Variants in RASGRF2 observed in about 807,000 individuals in gnomAD.
RASGRF2 encodes the protein ras-specific guanine nucleotide-releasing factor 2.
In RASGRF2, 76 loss-of-function variants were observed where a neutral mutation model predicts 151.0. The ratio of observed to expected loss-of-function variants is 0.50; its 90% CI spans 0.42 to 0.61. The LOEUF is 0.61. Ranked by LOEUF, RASGRF2 falls within the 20% of genes least tolerant of loss-of-function variation. RASGRF2 has a pLI of 0.00. For missense variants in RASGRF2, 1,148 were observed against 1,564.6 expected, an observed-to-expected ratio of 0.73 and a Z score of 4.49; for synonymous variants, 504 against 566.5, an observed-to-expected ratio of 0.89 and a Z score of 1.57.
chr5:81,158,751 A>C (rs1352907943), intron 17 of RASGRF2, among the ~76,000 whole-genome samples: 1 of 152,222 alleles, frequency 6.6e-6, no homozygotes, highest in African/African-American at 2.4e-5. Flanking sequence ...TGATATTCCC[A>C]TTAGAATAGC....
chr5:81,077,882 T>C (rs1349506927), intron 5 of RASGRF2, among the ~76,000 whole-genome samples: 1 of 152,186 alleles, frequency 6.6e-6, no homozygotes, highest in African/African-American at 2.4e-5. Flanking sequence ...TCTGGCTCTT[T>C]GTTTCCACTG....
intron 23 of RASGRF2, among the ~76,000 whole-genome samples, chr5:81,214,864 C>T (rs1369967697): frequency 6.6e-6 from 1 of 152,188 alleles, no homozygotes; most frequent in Non-Finnish European, 1.5e-5. Context: ...TGTTATTTCT[C>T]AGTAATTATC....
chr5:81,026,038 C>T (rs796179210), intron 1 of RASGRF2, among the ~76,000 whole-genome samples: 7 of 57,864 alleles, frequency 1.2e-4, no homozygotes, highest in African/African-American at 2.1e-4. Flanking sequence ...ATCCTTCCCT[C>T]CTTCCTTCCA....
chr5:81,108,962 T>G, intron 12 of RASGRF2, 34 bp from the exon 13 acceptor site: 4 of 1,587,300 alleles, frequency 2.5e-6, no homozygotes, highest in Non-Finnish European at 3.4e-6. Flanking sequence ...TAGGCTTTCA[T>G]GTGGGTTGTA....
At chr5:81,188,132 C>T (rs1014519701) in intron 18 of RASGRF2, among the ~76,000 whole-genome samples, 1 of 152,176 alleles carries the variant, frequency 6.6e-6, no homozygotes, top group African/African-American at 2.4e-5. Flanking sequence ...TCCAGCCCTG[C>T]CCTCCTCATC....
chr5:81,010,396 A>G (rs1047211502), intron 1 of RASGRF2, among the ~76,000 whole-genome samples: 2 of 152,342 alleles, frequency 1.3e-5, no homozygotes, highest in African/African-American at 4.8e-5. Flanking sequence ...TATTTTTACA[A>G]TGAAAAAAGG....
intron 17 of RASGRF2, among the ~76,000 whole-genome samples, chr5:81,167,463 C>T (rs528086498): frequency 6.6e-6 from 1 of 152,372 alleles, no homozygotes; most frequent in East Asian, 1.9e-4. Flanking sequence ...AGTTGTTAAA[C>T]TAATCCACTT....
chr5:81,044,851 T>TGACAGGCA (rs1443038247), intron 2 of RASGRF2, among the ~76,000 whole-genome samples: 2 of 152,192 alleles, frequency 1.3e-5, no homozygotes, highest in African/African-American at 4.8e-5. Context: ...TATTTTTTTT[T>TGACAGGCA]TCTTTTCCTC....
rs1750725185 is a variant in RASGRF2, at chr5:81,042,981, C to T, written c.393C>T (p.Ala131=). The T allele has an allele frequency of 6.2e-7, 1 of 1,604,432 alleles. No homozygotes were observed. Among genetic ancestry groups the T allele is most frequent in the Non-Finnish European group, 8.5e-7 (1 of 1,173,824 alleles). ...GKEWMEAIHQ[A]SYADILIERE... ...AGTGGATGGAGGCCATTCACCAAGC[C>T]AGGTATAGGCTCAGTCTTCCTGTGT... The change falls in exon 2 of 27, where the codon GCC becomes GCT. Residue 131 remains alanine (A), a splice_region_variant and synonymous_variant. Transcript: ENST00000265080.
intron 2 of RASGRF2, among the ~76,000 whole-genome samples, chr5:81,046,448 C>G (rs1398500497): frequency 6.6e-6 from 1 of 152,026 alleles, no homozygotes; most frequent in Non-Finnish European, 1.5e-5. Flanking sequence ...GTCCAAGAAG[C>G]TCATTTTAAT....
intron 12 of RASGRF2, among the ~76,000 whole-genome samples, chr5:81,099,931 A>G (rs537075797): frequency 3.7e-5 from 5 of 134,974 alleles, no homozygotes; most frequent in Admixed American, 1.6e-4. Flanking sequence ...TTTTTGAGAC[A>G]GAGTCTCGCC....
At position 81,014,029 on chromosome 5, in the gene RASGRF2, CT is replaced by C. The variant is rs1163786409; in HGVS notation, c.289-28840del. Among the ~76,000 whole-genome samples the C allele has an allele frequency of 8.6e-5, 13 of 151,914 alleles. No individual in the cohort carries two copies. In the East Asian group the frequency reaches 1.4e-3, roughly 16 times the overall value. On this transcript the variant is annotated intron_variant, in intron 1 of 26. Transcript: ENST00000265080. Reference sequence around the variant, plus strand: ...TTTTGCCCATTTTCCTATGGATCGTCTTTTTTTTATTGATTATATATGTGGA... The same window carrying C: ...TTTTGCCCATTTTCCTATGGATCGTCTTTTTTTATTGATTATATATGTGGA...
chr5:80,994,216 A>T (rs1448993802), intron 1 of RASGRF2, among the ~76,000 whole-genome samples: 2 of 151,838 alleles, frequency 1.3e-5, no homozygotes, highest in Non-Finnish European at 2.9e-5. Context: ...ATACAAAAAA[A>T]TTAGCCAGGC....
intron 17 of RASGRF2, among the ~76,000 whole-genome samples, chr5:81,174,146 G>A (rs1754720912): frequency 6.6e-6 from 1 of 152,200 alleles, no homozygotes; most frequent in Admixed American, 6.5e-5. Context: ...AAACCAAGGA[G>A]AGACAAAGAA....
At chr5:81,018,293 G>C (rs1447042544) in intron 1 of RASGRF2, among the ~76,000 whole-genome samples, 1 of 152,028 alleles carries the variant, frequency 6.6e-6, no homozygotes, top group Non-Finnish European at 1.5e-5. Context: ...GGAGGGAATG[G>C]TATCAAGAAA....
At chr5:80,981,091 C>G (rs1440768327) in intron 1 of RASGRF2, among the ~76,000 whole-genome samples, 1 of 152,216 alleles carries the variant, frequency 6.6e-6, no homozygotes, top group African/African-American at 2.4e-5. Context: ...GATTATGTTA[C>G]TATACTCCCA....
intron 2 of RASGRF2, among the ~76,000 whole-genome samples, chr5:81,059,977 C>A (rs1157397652): frequency 1.3e-5 from 2 of 152,192 alleles, no homozygotes; most frequent in Non-Finnish European, 2.9e-5. Context: ...GGAGAGACCG[C>A]AGGAAGCTTT....
chr5:80,994,412 C>G (rs995216005), intron 1 of RASGRF2, among the ~76,000 whole-genome samples: 19 of 148,942 alleles, frequency 1.3e-4, no homozygotes, highest in African/African-American at 4.7e-4. Context: ...AACGATCGAA[C>G]TCTACAATGC....
intron 12 of RASGRF2, among the ~76,000 whole-genome samples, chr5:81,106,997 A>G (rs547297289): frequency 1.3e-3 from 205 of 152,216 alleles, no homozygotes; most frequent in Middle Eastern, 6.8e-3. Context: ...GGTCCACTAC[A>G]GGGTTGTGTG....
Sources: gnomAD v4.1 joint callset for allele counts (sites outside exome capture counted in the v4.1 genomes callset) on GRCh38, gnomAD v4.1.1 for gene constraint, MANE v1.5 for transcripts, NCBI Gene and HGNC (gene_info 2026-07-23, HGNC 2026-07-21) for gene names.